GRID1: variants seen among roughly 807,000 people sequenced by gnomAD.
GRID1 encodes glutamate receptor ionotropic, delta-1.
In GRID1, 28 loss-of-function variants were observed where a neutral mutation model predicts 98.0. That is an observed-to-expected ratio of 0.29 (90% CI 0.21 to 0.39). GRID1 has a LOEUF of 0.39. Among genes scored for constraint, GRID1 ranks in the 10% least tolerant of loss-of-function variants. The pLI, the probability that GRID1 is intolerant of heterozygous loss-of-function variation, is 1.00. For synonymous variants in GRID1, 553 were observed against 538.5 expected (o/e 1.03, Z -0.37); for missense variants, 1,111 against 1,340.5 (o/e 0.83, Z 2.67).
chr10:86,024,416 A>G (rs537227934), intron 4 of GRID1, among the ~76,000 whole-genome samples: 3 of 152,334 alleles, frequency 2.0e-5, no homozygotes, highest in Admixed American at 6.5e-5. Flanking sequence ...TCTGTCACAC[A>G]TCAAGTGAGA....
At chr10:85,841,559 G>A (rs1842961538) in intron 8 of GRID1, among the ~76,000 whole-genome samples, 1 of 152,096 alleles carries the variant, frequency 6.6e-6, no homozygotes. Flanking sequence ...CCTACAGAAT[G>A]AGATAAAATT....
chr10:86,062,264 T>C (rs928838259), intron 4 of GRID1, among the ~76,000 whole-genome samples: 4 of 152,088 alleles, frequency 2.6e-5, no homozygotes, highest in Non-Finnish European at 5.9e-5. Context: ...CCTGAGCATC[T>C]CATACACACA....
At chr10:86,000,926 C>T (rs1842795404) in intron 4 of GRID1, among the ~76,000 whole-genome samples, 1 of 84,074 alleles carries the variant, frequency 1.2e-5, no homozygotes, top group Non-Finnish European at 2.6e-5. Context: ...TTCATAATTA[C>T]CAAAAACTAG....
At chr10:85,806,612 A>G (rs1842625200) in intron 8 of GRID1, among the ~76,000 whole-genome samples, 1 of 152,202 alleles carries the variant, frequency 6.6e-6, no homozygotes, top group Admixed American at 6.5e-5. Context: ...CACTCAAATA[A>G]AAAGGAACAA....
At chr10:85,808,514 G>T (rs1842642308) in intron 8 of GRID1, among the ~76,000 whole-genome samples, 1 of 152,182 alleles carries the variant, frequency 6.6e-6, no homozygotes, top group Non-Finnish European at 1.5e-5. Context: ...TATTTCAGAG[G>T]TCACAAAGTT....
chr10:85,877,353 C>T (rs1309846880), intron 5 of GRID1, among the ~76,000 whole-genome samples: 1 of 152,240 alleles, frequency 6.6e-6, no homozygotes, highest in African/African-American at 2.4e-5. Context: ...AGGCACCCCC[C>T]AGTAGGGGCA....
At chr10:86,363,510 C>T (rs1422850378) in intron 2 of GRID1, among the ~76,000 whole-genome samples, 1 of 152,222 alleles carries the variant, frequency 6.6e-6, no homozygotes, top group Non-Finnish European at 1.5e-5. Flanking sequence ...CCGCTGGGCG[C>T]TCCTCACCTC....
intron 2 of GRID1, among the ~76,000 whole-genome samples, chr10:86,253,692 A>C (rs1846871953): frequency 2.0e-5 from 3 of 152,256 alleles, no homozygotes; most frequent in Middle Eastern, 6.8e-3. Context: ...GGACAGACAC[A>C]CGAGGGAACT....
rs1841623130 is a variant in GRID1, at chr10:85,916,523, C to T, written c.727-284G>A. ...CAGCACAGGGTCACAGGCACAGGCA[C>T]AGGCACAGCCCCCCTTCCCTAGGAA... On this transcript the variant is annotated intron_variant, in intron 4 of 15. Transcript: ENST00000327946. This position sits in a 1 kb window ranked among gnomAD's most constrained non-coding sequence, Gnocchi z 4.0. Among the ~76,000 whole-genome samples the T allele has an allele frequency of 1.3e-5, 2 of 152,308 alleles. No individual in the cohort carries two copies. Among genetic ancestry groups the T allele is most frequent in the Admixed American group, 6.5e-5 (1 of 15,306 alleles).
At chr10:86,134,578 T>C (rs1844888011) in intron 4 of GRID1, among the ~76,000 whole-genome samples, 1 of 152,124 alleles carries the variant, frequency 6.6e-6, no homozygotes, top group African/African-American at 2.4e-5. Flanking sequence ...AGTCTGGATT[T>C]CCTGCCCCAG....
intron 6 of GRID1, among the ~76,000 whole-genome samples, chr10:85,866,763 A>G (rs1843225479): frequency 6.6e-6 from 1 of 152,150 alleles, no homozygotes; most frequent in African/African-American, 2.4e-5. Flanking sequence ...ATGATAAACA[A>G]ATAATAATAA....
chr10:86,311,661 C>T (rs1304054790), intron 2 of GRID1, among the ~76,000 whole-genome samples: 1 of 152,188 alleles, frequency 6.6e-6, no homozygotes. Flanking sequence ...TCCCTCTGCC[C>T]TTCCATCCAT....
chr10:86,131,286 C>G (rs751058338), intron 4 of GRID1, among the ~76,000 whole-genome samples: 5 of 152,260 alleles, frequency 3.3e-5, no homozygotes, highest in African/African-American at 7.2e-5. Flanking sequence ...CGAGGCCCCC[C>G]CAAGGCTGAA....
At chr10:86,191,865 A>T (rs1845807081) in intron 3 of GRID1, among the ~76,000 whole-genome samples, 1 of 151,990 alleles carries the variant, frequency 6.6e-6, no homozygotes. Flanking sequence ...CCTCTGAATG[A>T]CCTGGAGTGG....
At chr10:85,748,014 G>A (rs890911495) in intron 8 of GRID1, among the ~76,000 whole-genome samples, 3 of 152,110 alleles carry the variant, frequency 2.0e-5, no homozygotes, top group African/African-American at 7.2e-5. Context: ...TAAGATTAGA[G>A]GGGACTCTGT....
intron 4 of GRID1, among the ~76,000 whole-genome samples, chr10:85,933,993 G>A (rs935376492): frequency 6.6e-6 from 1 of 152,176 alleles, no homozygotes; most frequent in African/African-American, 2.4e-5. Flanking sequence ...AATATAGGCT[G>A]AGGGTTTCCT....
chr10:86,251,310 C>T (rs1429942416), intron 2 of GRID1, among the ~76,000 whole-genome samples: 1 of 151,120 alleles, frequency 6.6e-6, no homozygotes, highest in Non-Finnish European at 1.5e-5. Flanking sequence ...CCTGCCAAAT[C>T]CCCCTCTCCG....
chr10:85,960,675 A>G (rs1308561532), intron 4 of GRID1, among the ~76,000 whole-genome samples: 1 of 152,146 alleles, frequency 6.6e-6, no homozygotes, highest in Non-Finnish European at 1.5e-5. Context: ...AGAATCTCTC[A>G]CCTGCCTTGC....
At chr10:86,236,133 A>G (rs1349848788) in intron 2 of GRID1, among the ~76,000 whole-genome samples, 1 of 152,172 alleles carries the variant, frequency 6.6e-6, no homozygotes, top group African/African-American at 2.4e-5. Context: ...GCATGTCCCT[A>G]AAGACTAACA....
Sources: allele counts gnomAD v4.1 joint callset (sites outside exome capture counted in the v4.1 genomes callset), GRCh38; gene constraint gnomAD v4.1.1; non-coding constraint Gnocchi (gnomAD v3.1); transcripts MANE v1.5; gene names NCBI Gene and HGNC (gene_info 2026-07-23, HGNC 2026-07-21).